HECW1: variants seen among roughly 807,000 people sequenced by gnomAD.
HECW1 encodes the protein E3 ubiquitin-protein ligase HECW1.
Under a neutral mutation model 182.3 loss-of-function variants are expected in HECW1, and 61 were observed. That is an observed-to-expected ratio of 0.33 (90% confidence interval 0.27 to 0.41). HECW1 has a LOEUF of 0.41. Ranked by LOEUF, HECW1 falls within the 10% of genes least tolerant of loss-of-function variation. The probability of loss-of-function intolerance (pLI) is 1.00; values close to 1 mark genes in which losing one functional copy is unlikely to be tolerated. For missense variants in HECW1, 1,739 were observed against 2,108.9 expected (o/e 0.82, Z 3.44); for synonymous variants, 859 against 832.6 (o/e 1.03, Z -0.55).
chr7:43,319,601 CTTT>C (rs796502195), intron 4 of HECW1, among the ~76,000 whole-genome samples: 2 of 47,438 alleles, frequency 4.2e-5, no homozygotes, highest in Non-Finnish European at 6.4e-5. Flanking sequence ...CTTTTCTTTT[CTTT>C]TTTTTTTTTT....
At chr7:43,516,646 C>T (rs2080165006) in intron 24 of HECW1, among the ~76,000 whole-genome samples, 1 of 152,148 alleles carries the variant, frequency 6.6e-6, no homozygotes, top group African/African-American at 2.4e-5. Context: ...AGAATACCAG[C>T]GCCTCAGACA....
chr7:43,246,285 G>A (rs73101125), intron 3 of HECW1, among the ~76,000 whole-genome samples: 40,416 of 151,836 alleles, frequency 0.27, 6,202 homozygotes, highest in African/African-American at 0.42. Context: ...CCTGCGTGAC[G>A]TAGCAAGACC....
intron 12 of HECW1, among the ~76,000 whole-genome samples, chr7:43,452,378 A>T (rs1166761622): frequency 6.6e-6 from 1 of 152,230 alleles, no homozygotes; most frequent in Non-Finnish European, 1.5e-5. Context: ...GTTGTAAAAT[A>T]ATTGCTTTAT....
intron 17 of HECW1, among the ~76,000 whole-genome samples, chr7:43,486,691 A>G (rs1363352024): frequency 2.6e-5 from 4 of 152,262 alleles, no homozygotes; most frequent in African/African-American, 9.6e-5. Flanking sequence ...TTATAAGCTT[A>G]TGGGAACACC....
chr7:43,329,526 A>G (rs370469956), intron 5 of HECW1, among the ~76,000 whole-genome samples: 2 of 152,110 alleles, frequency 1.3e-5, no homozygotes, highest in Admixed American at 1.3e-4. Flanking sequence ...GGTAAGATCA[A>G]CATGGCTTGG....
intron 7 of HECW1, among the ~76,000 whole-genome samples, chr7:43,401,574 T>TTTG (rs1554400171): frequency 4.8e-5 from 7 of 144,424 alleles, no homozygotes; most frequent in Non-Finnish European, 9.1e-5. Flanking sequence ...AAGGTTTTTT[T>TTTG]TTTTTTTTTT....
intron 6 of HECW1, among the ~76,000 whole-genome samples, chr7:43,386,874 T>C (rs1470974796): frequency 6.6e-6 from 1 of 152,202 alleles, no homozygotes; most frequent in Non-Finnish European, 1.5e-5. Context: ...GTTTACAAAA[T>C]AATTAAAATA....
In HECW1 at chr7:43,563,923, C is replaced by T; in HGVS notation, c.*1997C>T. ...TTTTTAGTAGGAATTATCTACAATG[C>T]CCAGCACCCCTTGCAGCGATGTGTC... is the stretch of plus-strand genomic sequence containing the variant. On this transcript the variant is annotated 3_prime_UTR_variant, in exon 30 of 30. Transcript: ENST00000395891. 5.4e-6 allele frequency: 1 copy of T among 185,682 alleles called. No homozygotes were observed. Among genetic ancestry groups the T allele is most frequent in the Non-Finnish European group, 1.1e-5 (1 of 87,846 alleles). The allele number at this position is 185,682 out of a possible 1,614,324, so 11.5% of individuals were successfully genotyped here. A position where few individuals can be genotyped will look rare whatever the true frequency, so the allele number is the denominator to read the frequency against.
intron 3 of HECW1, among the ~76,000 whole-genome samples, chr7:43,256,812 A>T (rs190139691): frequency 2.8e-4 from 43 of 152,204 alleles, no homozygotes; most frequent in African/African-American, 9.6e-4. Context: ...CCTTCTCTGC[A>T]TCTGGCTTCC....
At chr7:43,421,189 A>G (rs999605621) in intron 8 of HECW1, among the ~76,000 whole-genome samples, 1 of 152,228 alleles carries the variant, frequency 6.6e-6, no homozygotes, top group African/African-American at 2.4e-5. Context: ...TATGTTATGG[A>G]AAGGATAGCC....
chr7:43,395,366 G>A (rs897752414), intron 6 of HECW1, among the ~76,000 whole-genome samples: 1 of 152,204 alleles, frequency 6.6e-6, no homozygotes, highest in Non-Finnish European at 1.5e-5. Flanking sequence ...GCAAGATGGA[G>A]TCAGTTAAGT....
At chr7:43,417,034 G>A (rs1371396695) in intron 8 of HECW1, among the ~76,000 whole-genome samples, 15 of 152,058 alleles carry the variant, frequency 9.9e-5, no homozygotes, top group Admixed American at 4.6e-4. Flanking sequence ...GTTCCTATTC[G>A]GCCATCTTGG....
At chr7:43,131,792 A>G (rs1295541595) in intron 2 of HECW1, among the ~76,000 whole-genome samples, 1 of 152,220 alleles carries the variant, frequency 6.6e-6, no homozygotes, top group Non-Finnish European at 1.5e-5. Flanking sequence ...AGGTAGGTGC[A>G]GCCAGGTGAC....
chr7:43,506,821 C>G (rs2079593794), intron 21 of HECW1, among the ~76,000 whole-genome samples: 1 of 152,156 alleles, frequency 6.6e-6, no homozygotes, highest in Non-Finnish European at 1.5e-5. Context: ...AATCCCAGCA[C>G]TTTGGGAGGC....
chr7:43,529,266 T>G (rs1190837694), intron 24 of HECW1, among the ~76,000 whole-genome samples: 1 of 152,120 alleles, frequency 6.6e-6, no homozygotes, highest in Non-Finnish European at 1.5e-5. Flanking sequence ...TGGCATGGCC[T>G]CCTTCATCCC....
intron 3 of HECW1, among the ~76,000 whole-genome samples, chr7:43,247,330 G>A: frequency 6.6e-6 from 1 of 152,172 alleles, no homozygotes; most frequent in East Asian, 1.9e-4. Context: ...AAATTTGAGG[G>A]ATCATAACAA....
intron 24 of HECW1, among the ~76,000 whole-genome samples, chr7:43,526,820 G>A (rs117837357): frequency 0.011 from 1,657 of 152,256 alleles, 17 homozygotes; most frequent in South Asian, 0.014. Flanking sequence ...GGGCAACATA[G>A]CAAGACCTGT....
intron 2 of HECW1, among the ~76,000 whole-genome samples, chr7:43,238,703 A>T (rs1419879425): frequency 6.6e-6 from 1 of 152,202 alleles, no homozygotes; most frequent in Non-Finnish European, 1.5e-5. Flanking sequence ...GAGTAAAATA[A>T]ATATCTTTAA....
At chr7:43,293,806 C>G (rs1805699814) in intron 3 of HECW1, among the ~76,000 whole-genome samples, 1 of 152,102 alleles carries the variant, frequency 6.6e-6, no homozygotes, top group South Asian at 2.1e-4. Context: ...CTGGTACCAG[C>G]CCATGGCCTG....
Sources: gnomAD v4.1 joint callset for allele counts (sites outside exome capture counted in the v4.1 genomes callset) on GRCh38, gnomAD v4.1.1 for gene constraint, MANE v1.5 for transcripts, NCBI Gene and HGNC (gene_info 2026-07-23, HGNC 2026-07-21) for gene names.